Variants in CCDC192 observed in about 807,000 individuals in gnomAD.
CCDC192 encodes coiled-coil domain-containing protein 192.
At chr5:127,722,242 G>A (rs1353522175) in intron 2 of CCDC192, among the ~76,000 whole-genome samples, 1 of 151,728 alleles carries the variant, frequency 6.6e-6, no homozygotes, top group Non-Finnish European at 1.5e-5. Context: ...TCGTATGGCT[G>A]TTTGCCATTT....
chr5:127,718,354 C>T (rs1166553657), intron 2 of CCDC192, among the ~76,000 whole-genome samples: 1 of 152,144 alleles, frequency 6.6e-6, no homozygotes, highest in Non-Finnish European at 1.5e-5. Flanking sequence ...TGCAAAGAAC[C>T]TCTATAAATG....
At chr5:127,763,226 A>G (rs547289098) in intron 3 of CCDC192, among the ~76,000 whole-genome samples, 1 of 152,196 alleles carries the variant, frequency 6.6e-6, no homozygotes, top group East Asian at 1.9e-4. Flanking sequence ...TCCATCTCCA[A>G]AATTCAACTT....
At chr5:127,719,528 C>CACACAT (rs1751861844) in intron 2 of CCDC192, among the ~76,000 whole-genome samples, 1 of 51,550 alleles carries the variant, frequency 1.9e-5, no homozygotes, top group African/African-American at 8.7e-5. Context: ...TATATATACA[C>CACACAT]ACATACATAT....
chr5:127,762,923 A>G (rs1363839161), intron 3 of CCDC192, among the ~76,000 whole-genome samples: 2 of 152,246 alleles, frequency 1.3e-5, no homozygotes, highest in Non-Finnish European at 1.5e-5. Flanking sequence ...AGTTTATACT[A>G]TGAGCTAGGC....
At chr5:127,704,883 A>AAATC (rs889080927) in intron 1 of CCDC192, among the ~76,000 whole-genome samples, 5 of 133,694 alleles carry the variant, frequency 3.7e-5, no homozygotes, top group Non-Finnish European at 6.6e-5. Flanking sequence ...ATAAATAAAT[A>AAATC]AATCATTTAT....
intron 3 of CCDC192, among the ~76,000 whole-genome samples, chr5:127,768,055 C>T (rs576689781): frequency 2.9e-4 from 44 of 152,076 alleles, no homozygotes; most frequent in African/African-American, 1.0e-3. Flanking sequence ...AGTTTGAGAC[C>T]AGCCTGGCCA....
intron 6 of CCDC192, among the ~76,000 whole-genome samples, chr5:127,903,717 A>C (rs1753119628): frequency 6.6e-6 from 1 of 152,250 alleles, no homozygotes; most frequent in African/African-American, 2.4e-5. Flanking sequence ...GATCATTACA[A>C]ATACAAATGT....
At chr5:127,814,652 C>G (rs1758274602) in intron 5 of CCDC192, among the ~76,000 whole-genome samples, 1 of 152,204 alleles carries the variant, frequency 6.6e-6, no homozygotes, top group South Asian at 2.1e-4. Context: ...TCTATGACTT[C>G]TCCAAAACTG....
At chr5:127,784,870 T>A (rs1756447318) in intron 3 of CCDC192, 1 of 454,086 alleles carries the variant, frequency 2.2e-6, no homozygotes, top group Admixed American at 2.8e-5. Context: ...CCTGCTTCTG[T>A]TCAGTTTCAT....
At chr5:127,747,185 C>T (rs1753809580) in intron 2 of CCDC192, among the ~76,000 whole-genome samples, 1 of 151,306 alleles carries the variant, frequency 6.6e-6, no homozygotes, top group Admixed American at 6.6e-5. Flanking sequence ...ATACATGTGC[C>T]ATGCTGGTGT....
At chr5:127,752,855 G>A (rs959037014) in intron 2 of CCDC192, among the ~76,000 whole-genome samples, 17 of 152,282 alleles carry the variant, frequency 1.1e-4, no homozygotes, top group Middle Eastern at 3.4e-3. Flanking sequence ...TGCGGTATTC[G>A]GGTGGGAGTG....
chr5:127,840,667 G>A (rs1256762263), intron 5 of CCDC192, among the ~76,000 whole-genome samples: 1 of 152,038 alleles, frequency 6.6e-6, no homozygotes, highest in Non-Finnish European at 1.5e-5. Context: ...AAGACTCCAG[G>A]AAGTTAAGCA....
intron 5 of CCDC192, among the ~76,000 whole-genome samples, chr5:127,851,797 C>G (rs1248720049): frequency 6.6e-6 from 1 of 152,122 alleles, no homozygotes; most frequent in African/African-American, 2.4e-5. Context: ...CTAGATTCTT[C>G]CTGTCAACAC....
chr5:127,899,106 T>C (rs1752971875), intron 6 of CCDC192, among the ~76,000 whole-genome samples: 1 of 152,224 alleles, frequency 6.6e-6, no homozygotes, highest in South Asian at 2.1e-4. Flanking sequence ...ACAATGCTGC[T>C]AATTTTAAAC....
chr5:127,941,097 A>C (rs1754388781), intron 6 of CCDC192, 85 bp from the exon 7 acceptor site: 1 of 398,250 alleles, frequency 2.5e-6, no homozygotes, highest in Non-Finnish European at 4.4e-6. Context: ...AACGTGAGAA[A>C]TGAAGCTTTT....
chr5:127,832,880 TG>T (rs908350225), intron 5 of CCDC192, among the ~76,000 whole-genome samples: 5 of 152,178 alleles, frequency 3.3e-5, no homozygotes, highest in Non-Finnish European at 7.4e-5. Context: ...TGGGTTATCT[TG>T]GGGCTTCAAT....
chr5:127,938,877 A>G (rs1346767743), intron 6 of CCDC192, among the ~76,000 whole-genome samples: 1 of 152,150 alleles, frequency 6.6e-6, no homozygotes, highest in Non-Finnish European at 1.5e-5. Flanking sequence ...TCAGGAGATG[A>G]GGAAGGCCTC....
intron 2 of CCDC192, among the ~76,000 whole-genome samples, chr5:127,754,037 C>T (rs1400317423): frequency 1.3e-5 from 2 of 152,122 alleles, no homozygotes; most frequent in African/African-American, 4.8e-5. Context: ...TAAAGCTGTT[C>T]ATTGTCATCA....
chr5:127,806,640 A>G (rs1757800250), intron 5 of CCDC192, among the ~76,000 whole-genome samples: 1 of 152,164 alleles, frequency 6.6e-6, no homozygotes, highest in East Asian at 1.9e-4. Flanking sequence ...GATCAGTTAC[A>G]ATCCCTATTT....
Sources: gnomAD v4.1 joint callset for allele counts (sites outside exome capture counted in the v4.1 genomes callset) on GRCh38, gnomAD v4.1.1 for gene constraint, MANE v1.5 for transcripts, NCBI Gene and HGNC (gene_info 2026-07-23, HGNC 2026-07-21) for gene names.